SECISBP2: variants seen among roughly 807,000 people sequenced by gnomAD.
SECISBP2 encodes the protein SECIS binding protein 2, also known as selenocysteine insertion sequence-binding protein 2.
SECISBP2 carries 96 observed loss-of-function variants against 98.2 expected under a neutral mutation model. The ratio of observed to expected loss-of-function variants is 0.98; its 90% CI spans 0.83 to 1.16. The LOEUF is 1.16. SECISBP2 is among the 50% of genes most tolerant of loss of function. The pLI is 0.00. For missense variants in SECISBP2, 1,046 were observed against 1,022.9 expected, an observed-to-expected ratio of 1.02 and a Z score of -0.31; for synonymous variants, 407 against 370.2, an observed-to-expected ratio of 1.10 and a Z score of -1.14.
chr9:89,319,773 T>A lies in SECISBP2; in HGVS notation c.158T>A (p.Phe53Tyr), dbSNP rs1331287031. Reference sequence around the variant, plus strand: ...AGCTCTGCAGCCACATACTATCCGTTTGTTCAGGAACCACCAGTGACAGAG... The same window carrying A: ...AGCTCTGCAGCCACATACTATCCGTATGTTCAGGAACCACCAGTGACAGAG... The part of the protein sequence containing the change: ...FPSSAATYYP[F>Y]VQEPPVTEQK... The change falls in exon 2 of 17, where the codon TTT becomes TAT. Residue 53 changes from phenylalanine to tyrosine, a missense_variant. Phe to Tyr is a conservative substitution (Grantham distance 22, BLOSUM62 3). Transcript: ENST00000375807. The A allele has an allele frequency of 1.9e-6, 3 of 1,614,058 alleles. No individual in the cohort carries two copies. The highest frequency in any genetic ancestry group is 2.5e-6 in the Non-Finnish European group (3 of 1,180,026).
At chr9:89,363,398 C>T (rs1833062338), downstream of SECISBP2, 3 of 1,606,786 alleles carry the variant, frequency 1.9e-6, no homozygotes, top group Admixed American at 5.0e-5. Context: ...TGGCTCCAGC[C>T]CTCCTTTCTT....
intron 14 of SECISBP2, chr9:89,354,701 C>A: frequency 1.1e-6 from 1 of 919,214 alleles, no homozygotes; most frequent in Non-Finnish European, 1.3e-6. Flanking sequence ...CAACCAAGGG[C>A]CAACCTGACA....
At chr9:89,340,026 C>T in intron 9 of SECISBP2, 73 bp downstream of exon 9, 1 of 1,108,176 alleles carries the variant, frequency 9.0e-7, no homozygotes, top group Non-Finnish European at 1.4e-6. Context: ...TTGAGAAAAA[C>T]TGCTTTCCAG....
chr9:89,342,815 TAAA>T (rs1467233871), intron 10 of SECISBP2, among the ~76,000 whole-genome samples: 1 of 152,158 alleles, frequency 6.6e-6, no homozygotes, highest in Non-Finnish European at 1.5e-5. Context: ...ATTGGAGCAT[TAAA>T]AAGTCTTGAA....
Position 89,334,643 on chromosome 9 carries a change from T to C in SECISBP2, c.1002T>C (p.Pro334=). 1.2e-6 allele frequency: 2 copies of C among 1,614,124 alleles called. No individual in the cohort carries two copies. The highest frequency in any genetic ancestry group is 1.7e-6 in the Non-Finnish European group (2 of 1,179,964). The change falls in exon 7 of 17, where the codon CCT becomes CCC. Residue 334 remains proline (P), a synonymous_variant. Transcript: ENST00000375807. The part of the protein sequence containing the change: ...NLKTIASSAD[P]KNVSIPSSEA... ...AGACCATTGCTTCATCAGCAGATCCTAAAAATGTTAGTATACCATCTTCTG... is the reference window on the plus strand; with the variant it reads ...AGACCATTGCTTCATCAGCAGATCCCAAAAATGTTAGTATACCATCTTCTG...
chr9:89,339,885 C>T lies in SECISBP2; in HGVS notation c.1234C>T (p.Leu412=). The part of the protein sequence containing the change: ...RIEDAEEFPN[L]AVASERRDRI... ...TTAGGATGCCGAGGAATTTCCCAACCTGGCAGTTGCATCTGAAAGAAGAGA... is the reference window on the plus strand; with the variant it reads ...TTAGGATGCCGAGGAATTTCCCAACTTGGCAGTTGCATCTGAAAGAAGAGA... Residue 412 remains leucine (L), a synonymous_variant, in exon 9 of 17, where the codon CTG becomes TTG. Transcript: ENST00000375807. The T allele has an allele frequency of 6.2e-7, 1 of 1,613,692 alleles. No homozygotes were observed. The highest frequency in any genetic ancestry group is 1.7e-5 in the Admixed American group (1 of 60,014).
At chr9:89,346,597 A>G (rs1411568989) in intron 10 of SECISBP2, among the ~76,000 whole-genome samples, 1 of 135,312 alleles carries the variant, frequency 7.4e-6, no homozygotes, top group African/African-American at 2.5e-5. Context: ...ACTGAGAAAC[A>G]TGGGAGATCT....
At chr9:89,338,268 A>G (rs1366071818) in intron 7 of SECISBP2, among the ~76,000 whole-genome samples, 190 bp from the exon 8 acceptor site, 1 of 152,162 alleles carries the variant, frequency 6.6e-6, no homozygotes, top group African/African-American at 2.4e-5. Context: ...ATTTGAACAA[A>G]CTTTTTTTTC....
intron 14 of SECISBP2, among the ~76,000 whole-genome samples, chr9:89,353,535 C>T (rs1412416679): frequency 6.6e-6 from 1 of 152,202 alleles, no homozygotes; most frequent in East Asian, 1.9e-4. Context: ...GCCCTCTTCA[C>T]CTGTGCCTCA....
intron 14 of SECISBP2, 84 bp downstream of exon 14, chr9:89,350,936 GC>G: frequency 8.7e-7 from 1 of 1,144,902 alleles, no homozygotes. Context: ...CACCTCAGCG[GC>G]CCATGCCACA....
intron 14 of SECISBP2, among the ~76,000 whole-genome samples, chr9:89,351,715 C>T (rs1280471389): frequency 6.6e-6 from 1 of 152,166 alleles, no homozygotes; most frequent in Non-Finnish European, 1.5e-5. Flanking sequence ...TCCGAGGCCC[C>T]CAGCCAGCAG....
chr9:89,337,296 T>A (rs528160058), intron 7 of SECISBP2, among the ~76,000 whole-genome samples: 41 of 152,376 alleles, frequency 2.7e-4, no homozygotes, highest in African/African-American at 9.6e-4. Flanking sequence ...CAAATAGCTT[T>A]GCATTTTACA....
chr9:89,353,541 C>T (rs1225745409), intron 14 of SECISBP2, among the ~76,000 whole-genome samples: 1 of 152,214 alleles, frequency 6.6e-6, no homozygotes, highest in African/African-American at 2.4e-5. Context: ...TTCACCTGTG[C>T]CTCACCCTGT....
intron 16 of SECISBP2, 39 bp downstream of exon 16, chr9:89,358,230 C>T: frequency 1.3e-6 from 2 of 1,576,164 alleles, no homozygotes; most frequent in East Asian, 2.3e-5. Context: ...GTCGAGTGTC[C>T]TCTTATTTAC....
At chr9:89,329,034 A>T in intron 5 of SECISBP2, 148 bp downstream of exon 5, 1 of 662,400 alleles carries the variant, frequency 1.5e-6, no homozygotes, top group African/African-American at 1.8e-5. Flanking sequence ...TTGTGCACTT[A>T]TATGACCTTC....
Position 89,320,355 on chromosome 9 carries a change from CAAAAA to C in SECISBP2, c.182+579_182+583del, listed in dbSNP as rs776426275. On this transcript the variant is annotated intron_variant, in intron 2 of 16. Coordinates refer to ENST00000375807, the MANE Select transcript of SECISBP2 (RefSeq NM_024077.5). Reference sequence around the variant, plus strand: ...TGGCTGACAGAGTGAGACTCTGTCTCAAAAAAAAAAAAAAAAAAAAAAAAATCCCG... The same window carrying C: ...TGGCTGACAGAGTGAGACTCTGTCTCAAAAAAAAAAAAAAAAAAAATCCCG... Among the ~76,000 whole-genome samples, 9 of 51,960 alleles carry C rather than the reference CAAAAA, an allele frequency of 1.7e-4. No homozygotes were observed. The South Asian group carries it at 2.5e-3, about 14-fold the overall frequency. 34.1% of individuals were successfully genotyped at this position (51,960 alleles called of 152,430 possible).
At chr9:89,319,567 T>C in intron 1 of SECISBP2, 85 bp from the exon 2 acceptor site, 1 of 1,483,622 alleles carries the variant, frequency 6.7e-7, no homozygotes, top group East Asian at 2.3e-5. Context: ...CTGGGGCTAT[T>C]AGGAACACCT....
At chr9:89,318,789 G>A in intron 1 of SECISBP2, 177 bp downstream of exon 1, 1 of 1,254,312 alleles carries the variant, frequency 8.0e-7, no homozygotes, top group African/African-American at 1.6e-5. Flanking sequence ...GTCCGCCTTG[G>A]GGTGGCGGTC....
rs1832534327 is a variant in SECISBP2 at position 89,358,998 on chromosome 9, G to A, written c.*174G>A. The A allele has an allele frequency of 3.2e-6, 2 of 628,062 alleles. No individual in the cohort carries two copies. Among genetic ancestry groups the A allele is most frequent in the Non-Finnish European group, 5.7e-6 (2 of 351,800 alleles). The allele number at this position is 628,062 out of a possible 1,614,324, so 38.9% of individuals were successfully genotyped here. Reference sequence around the variant, plus strand: ...GTCTGCAGGCGTTCAGTGCTGCGGAGCCTGTTAAAGGTCACTCAGATGTGC... The same window carrying A: ...GTCTGCAGGCGTTCAGTGCTGCGGAACCTGTTAAAGGTCACTCAGATGTGC... On this transcript the variant is annotated 3_prime_UTR_variant, in exon 17 of 17. Coordinates refer to ENST00000375807, the MANE Select transcript of SECISBP2 (RefSeq NM_024077.5).
Sources: allele counts gnomAD v4.1 joint callset (sites outside exome capture counted in the v4.1 genomes callset), GRCh38; gene constraint gnomAD v4.1.1; transcripts MANE v1.5; gene names NCBI Gene and HGNC (gene_info 2026-07-23, HGNC 2026-07-21).